GPHN: variants seen among roughly 807,000 people sequenced by gnomAD.
GPHN encodes gephyrin.
A neutral mutation model predicts 95.5 loss-of-function variants in GPHN; 17 were observed. That is an observed-to-expected ratio of 0.18 (90% confidence interval 0.12 to 0.27). The LOEUF is 0.27. Ranked by LOEUF, GPHN falls within the 10% of genes least tolerant of loss-of-function variation. The probability of loss-of-function intolerance (pLI) is 1.00; values close to 1 mark genes in which losing one functional copy is unlikely to be tolerated. For synonymous variants in GPHN, 320 were observed against 322.5 expected (o/e 0.99, Z 0.08); for missense variants, 660 against 978.1 (o/e 0.67, Z 4.34).
chr14:67,695,711 G>A, the GPHN span: 5 of 1,613,706 alleles, frequency 3.1e-6, no homozygotes, highest in Admixed American at 1.7e-5. Flanking sequence ...CATCTCTGCC[G>A]GCTGCAGCGG....
intron 4 of GPHN, among the ~76,000 whole-genome samples, chr14:66,856,727 A>C (rs1331543421): frequency 6.6e-6 from 1 of 152,016 alleles, no homozygotes; most frequent in Non-Finnish European, 1.5e-5. Context: ...ATATGCAAAA[A>C]CTTGATACAG....
the GPHN span, chr14:67,383,610 A>C: frequency 3.3e-6 from 3 of 917,194 alleles, no homozygotes; most frequent in Non-Finnish European, 4.9e-6. Context: ...CCTAAATGTC[A>C]GCTGTTGTCA....
At chr14:67,645,844 G>A in the GPHN span, 2 of 1,604,510 alleles carry the variant, frequency 1.2e-6, no homozygotes, top group Non-Finnish European at 1.7e-6. Context: ...TGGCTTGCAG[G>A]GTTTTGCTGG....
At chr14:67,071,177 T>G (rs1405204381) in intron 11 of GPHN, among the ~76,000 whole-genome samples, 2 of 152,210 alleles carry the variant, frequency 1.3e-5, no homozygotes, top group African/African-American at 4.8e-5. Context: ...TAAAGACTCA[T>G]GCACACGTAT....
intron 1 of GPHN, among the ~76,000 whole-genome samples, chr14:66,513,372 G>A (rs1286693681): frequency 6.6e-6 from 1 of 151,748 alleles, no homozygotes; most frequent in Non-Finnish European, 1.5e-5. Flanking sequence ...CAGGCATATA[G>A]TGGAAAGTCA....
At chr14:66,803,126 G>T (rs188318384) in intron 3 of GPHN, among the ~76,000 whole-genome samples, 3 of 152,282 alleles carry the variant, frequency 2.0e-5, no homozygotes, top group Non-Finnish European at 2.9e-5. Context: ...CTCAAGTTCT[G>T]ATTGCTAGGA....
the GPHN span, chr14:67,578,741 C>A: frequency 1.3e-6 from 1 of 748,228 alleles, no homozygotes; most frequent in Non-Finnish European, 2.4e-6. This position sits in a 1 kb window ranked among gnomAD's most constrained non-coding sequence, Gnocchi z 5.0. Context: ...TCCTCTGAAA[C>A]CGCTCAGTGG....
At chr14:67,511,488 C>T in the GPHN span, among the ~76,000 whole-genome samples, 4 of 152,170 alleles carry the variant, frequency 2.6e-5, no homozygotes, top group Non-Finnish European at 1.5e-5. Context: ...ATACCAGCCA[C>T]ACTGGGAGCC....
intron 1 of GPHN, among the ~76,000 whole-genome samples, chr14:66,552,925 T>A (rs2059869648): frequency 6.6e-6 from 1 of 152,050 alleles, no homozygotes; most frequent in African/African-American, 2.4e-5. Flanking sequence ...CTCAGTGTGG[T>A]TCTCTTTATA....
the GPHN span, among the ~76,000 whole-genome samples, chr14:67,607,065 A>C: frequency 6.6e-6 from 1 of 152,238 alleles, no homozygotes; most frequent in Non-Finnish European, 1.5e-5. Context: ...CTACAGACTC[A>C]GAATCTCAGT....
chr14:66,725,919 A>G (rs1331185803), intron 2 of GPHN, among the ~76,000 whole-genome samples: 1 of 152,206 alleles, frequency 6.6e-6, no homozygotes, highest in African/African-American at 2.4e-5. Context: ...CCAAATTGTT[A>G]CTATACTTTG....
At chr14:66,560,734 T>A (rs1034820371) in intron 1 of GPHN, among the ~76,000 whole-genome samples, 2 of 152,168 alleles carry the variant, frequency 1.3e-5, no homozygotes, top group African/African-American at 2.4e-5. Context: ...ACCCTTTATT[T>A]CCTTCTCCTG....
At chr14:66,936,375 CA>C (rs896492617) in intron 8 of GPHN, among the ~76,000 whole-genome samples, 69 of 137,766 alleles carry the variant, frequency 5.0e-4, no homozygotes, top group African/African-American at 6.4e-4. Context: ...AACTCCATCT[CA>C]AAAAAAAAAA....
At chr14:66,621,252 G>A (rs2063284637) in intron 1 of GPHN, among the ~76,000 whole-genome samples, 1 of 150,638 alleles carries the variant, frequency 6.6e-6, no homozygotes, top group African/African-American at 2.5e-5. Context: ...TGGGATTACA[G>A]GCATGAGCCA....
At chr14:66,955,829 T>G (rs185979179) in intron 8 of GPHN, among the ~76,000 whole-genome samples, 158 of 152,326 alleles carry the variant, frequency 1.0e-3, no homozygotes, top group African/African-American at 3.7e-3. Context: ...CCTGCAATAG[T>G]TTGCTGAGAA....
At chr14:66,792,108 G>A (rs1233935705) in intron 3 of GPHN, among the ~76,000 whole-genome samples, 1 of 152,266 alleles carries the variant, frequency 6.6e-6, no homozygotes, top group East Asian at 1.9e-4. Flanking sequence ...CGCTGCCCAT[G>A]ACACATGGGA....
In GPHN at chr14:66,589,565, T is replaced by A. The variant is rs1392038154; in HGVS notation, c.64+80974T>A. Among the ~76,000 whole-genome samples, 161 of 151,522 alleles carry A rather than the reference T, an allele frequency of 1.1e-3. 2 individuals carry two copies. Among genetic ancestry groups the A allele is most frequent in the Non-Finnish European group, 8.9e-5 (6 of 67,752 alleles). On this transcript the variant is annotated intron_variant, in intron 1 of 22. Transcript: ENST00000478722. ...AAAAAAAAGACAAAGAAGGGCTTTT[T>A]ACATTTTTACAAAGAAGGGCTTTAC...
chr14:67,668,910 T>C, the GPHN span, among the ~76,000 whole-genome samples: 1 of 152,120 alleles, frequency 6.6e-6, no homozygotes, highest in East Asian at 1.9e-4. Context: ...GTAAATATCA[T>C]AAATGTGGAA....
intron 12 of GPHN, 50 bp downstream of exon 12, chr14:67,089,125 C>CTTTTTTTTTTTTTTTTTTTTT: frequency 3.1e-6 from 1 of 326,492 alleles, no homozygotes; most frequent in Non-Finnish European, 6.0e-6. Flanking sequence ...ATTTTTTTTT[C>CTTTTTTTTTTTTTTTTTTTTT]TTTTTTTCTT....
Sources: allele counts gnomAD v4.1 joint callset (sites outside exome capture counted in the v4.1 genomes callset), GRCh38; gene constraint gnomAD v4.1.1; non-coding constraint Gnocchi (gnomAD v3.1); transcripts MANE v1.5; gene names NCBI Gene and HGNC (gene_info 2026-07-23, HGNC 2026-07-21).